Variants in CNNM1 observed in about 807,000 individuals in gnomAD.
CNNM1 encodes metal transporter CNNM1.
In CNNM1, 44 loss-of-function variants were observed where a neutral mutation model predicts 78.8. The observed-to-expected ratio is 0.56, with a 90% CI of 0.44 to 0.72. The LOEUF is 0.72. Among genes scored for constraint, CNNM1 ranks in the 30% least tolerant of loss-of-function variants. The probability of loss-of-function intolerance (pLI) is 0.00; values close to 1 mark genes in which losing one functional copy is unlikely to be tolerated. For synonymous variants in CNNM1, 584 were observed against 581.5 expected, an observed-to-expected ratio of 1.00 and a Z score of -0.06; for missense variants, 1,101 against 1,292.2, an observed-to-expected ratio of 0.85 and a Z score of 2.27.
chr10:99,362,491 C>G, intron 4 of CNNM1, 95 bp downstream of exon 4: 4 of 1,338,332 alleles, frequency 3.0e-6, no homozygotes, highest in Non-Finnish European at 4.1e-6. Context: ...AGTTCCAAGA[C>G]TTGGCTGGCT....
chr10:99,356,609 G>GA (rs547563994), intron 1 of CNNM1, among the ~76,000 whole-genome samples: 6,606 of 131,954 alleles, frequency 0.05, 450 homozygotes, highest in African/African-American at 0.16. Flanking sequence ...AGAAAGAAAA[G>GA]AAAGAAAGAA....
At chr10:99,338,723 A>G (rs564851493) in intron 1 of CNNM1, among the ~76,000 whole-genome samples, 3 of 152,176 alleles carry the variant, frequency 2.0e-5, no homozygotes, top group Non-Finnish European at 2.9e-5. Flanking sequence ...GTAACTCAAT[A>G]TTTTGTCATA....
intron 8 of CNNM1, 56 bp from the exon 9 acceptor site, chr10:99,388,096 C>G: frequency 6.2e-7 from 1 of 1,605,710 alleles, no homozygotes; most frequent in Non-Finnish European, 8.5e-7. Context: ...CTCACACCAC[C>G]TGAGCCCTGG....
intron 1 of CNNM1, among the ~76,000 whole-genome samples, chr10:99,331,248 G>C (rs2029897325): frequency 6.6e-6 from 1 of 152,306 alleles, no homozygotes; most frequent in Admixed American, 6.5e-5. Flanking sequence ...CCAAATGTCA[G>C]ATACTGTGTA....
In CNNM1 at chr10:99,330,161, G is replaced by A. The variant is rs1469657572; in HGVS notation, c.774G>A (p.Arg258=). The part of the protein sequence containing the change: ...SLDPVELRVL[R]NSGSAAEQEQ... ...ACCCGGTGGAGTTACGGGTGCTGCG[G>A]AACAGCGGCTCGGCCGCCGAGCAGG... The change falls in exon 1 of 11, where the codon CGG becomes CGA. Residue 258 remains arginine, a synonymous_variant. Transcript: ENST00000356713. The A allele has an allele frequency of 1.3e-6, 2 of 1,533,928 alleles. No homozygotes were observed. The highest frequency in any genetic ancestry group is 1.7e-6 in the Non-Finnish European group (2 of 1,146,034).
intron 6 of CNNM1, among the ~76,000 whole-genome samples, chr10:99,369,766 C>A (rs1057164430): frequency 6.6e-6 from 1 of 152,108 alleles, no homozygotes; most frequent in Non-Finnish European, 1.5e-5. Flanking sequence ...AGAGCTCATG[C>A]CTTCATAATG....
intron 1 of CNNM1, among the ~76,000 whole-genome samples, chr10:99,344,090 T>C (rs2030576498): frequency 1.4e-5 from 2 of 147,852 alleles, no homozygotes; most frequent in African/African-American, 4.9e-5. Context: ...CCCAGCACTT[T>C]GGGAGGCCAA....
chr10:99,360,262 C>T (rs1481475778), intron 2 of CNNM1, among the ~76,000 whole-genome samples: 2 of 152,166 alleles, frequency 1.3e-5, no homozygotes, highest in Non-Finnish European at 2.9e-5. Flanking sequence ...TGGCATGCTT[C>T]AGGTACCACT....
intron 2 of CNNM1, 32 bp from the exon 3 acceptor site, chr10:99,360,803 A>G: frequency 6.4e-7 from 1 of 1,552,690 alleles, no homozygotes; most frequent in Non-Finnish European, 8.7e-7. Context: ...TGATTCTGAG[A>G]TAGCTGTAAT....
intron 6 of CNNM1, among the ~76,000 whole-genome samples, chr10:99,376,196 C>T (rs1241568135): frequency 6.6e-6 from 1 of 152,160 alleles, no homozygotes; most frequent in African/African-American, 2.4e-5. Flanking sequence ...TGAGCCAGAG[C>T]CTGTGTCCTC....
At chr10:99,337,183 A>G (rs1035160559) in intron 1 of CNNM1, among the ~76,000 whole-genome samples, 4 of 152,204 alleles carry the variant, frequency 2.6e-5, no homozygotes, top group African/African-American at 9.6e-5. Context: ...ATTTATGCAA[A>G]TGCCTCCTAA....
At position 99,330,275 on chromosome 10, in the gene CNNM1, C is replaced by CCTGG; in HGVS notation, c.900_903dup (p.Tyr302AlafsTer109). On this transcript the variant is annotated frameshift_variant, in exon 1 of 11. Coordinates refer to ENST00000356713, the MANE Select transcript of CNNM1 (RefSeq NM_020348.3). LOFTEE classifies it high-confidence loss of function. ...TGGGCCAAGCCGGAGCCAACGCGGC[C>CCTGG]CTGGCTGGCTGGCTGTACACCTCGC... 1.3e-6 allele frequency: 2 copies of CCTGG among 1,568,016 alleles called. No individual in the cohort carries two copies. Among genetic ancestry groups the CCTGG allele is most frequent in the Non-Finnish European group, 1.7e-6 (2 of 1,157,132 alleles).
intron 7 of CNNM1, among the ~76,000 whole-genome samples, chr10:99,380,279 A>G (rs150224746): frequency 0.033 from 5,017 of 152,276 alleles, 132 homozygotes; most frequent in East Asian, 0.083. Context: ...CATTCAGTCC[A>G]TAACCATTCA....
Position 99,388,285 on chromosome 10 carries a change from C to A in CNNM1, c.2658C>A (p.Ala886=), listed in dbSNP as rs141951948. The change falls in exon 9 of 11, where the codon GCC becomes GCA. Residue 886 remains alanine, a synonymous_variant. Transcript: ENST00000356713. ...AGCAGCTCACGCTGTCTCCTGCAGCCGTTCCCACGAGAGCAGGTCAGGGAG... is the reference window on the plus strand; with the variant it reads ...AGCAGCTCACGCTGTCTCCTGCAGCAGTTCCCACGAGAGCAGGTCAGGGAG... ...STQQLTLSPA[A]VPTRAASDSE... 3.1e-6 allele frequency: 5 copies of A among 1,613,644 alleles called. No homozygotes were observed. Among genetic ancestry groups the A allele is most frequent in the Non-Finnish European group, 4.2e-6 (5 of 1,179,806 alleles).
At chr10:99,376,990 T>TG in intron 6 of CNNM1, 65 bp from the exon 7 acceptor site, 3 of 866,126 alleles carry the variant, frequency 3.5e-6, no homozygotes, top group Non-Finnish European at 1.8e-6. Context: ...CCTGTCTCCC[T>TG]CCCTCCCCCT....
chr10:99,358,577 G>T (rs1231767195), intron 2 of CNNM1, among the ~76,000 whole-genome samples: 1 of 152,194 alleles, frequency 6.6e-6, no homozygotes, highest in Non-Finnish European at 1.5e-5. Context: ...AGTGAGCAGT[G>T]CAGAAAGAGT....
At chr10:99,369,172 T>C (rs1221286485) in intron 6 of CNNM1, among the ~76,000 whole-genome samples, 1 of 152,238 alleles carries the variant, frequency 6.6e-6, no homozygotes, top group Non-Finnish European at 1.5e-5. Context: ...TTTCATTAGG[T>C]TTAACCTCTT....
In CNNM1 at chr10:99,392,871, T is replaced by TC. The variant is rs919694009; in HGVS notation, c.*1356dup. On this transcript the variant is annotated 3_prime_UTR_variant, in exon 11 of 11. Coordinates refer to ENST00000356713, the MANE Select transcript of CNNM1 (RefSeq NM_020348.3). ...TACTCGGGAGGCTGAGGCAGGAGAA[T>TC]CGCTTGAACCTGGGAGGCAGAGGTT... The TC allele has an allele frequency of 6.6e-6, 1 of 151,956 alleles. No homozygotes were observed. Among genetic ancestry groups the TC allele is most frequent in the African/African-American group, 2.4e-5 (1 of 41,004 alleles). The allele number at this position is 151,956 out of a possible 1,614,324, so 9.4% of individuals were successfully genotyped here.
chr10:99,341,485 C>T (rs1444662428), intron 1 of CNNM1, among the ~76,000 whole-genome samples: 1 of 152,104 alleles, frequency 6.6e-6, no homozygotes, highest in Non-Finnish European at 1.5e-5. Flanking sequence ...AAGAGGCAGC[C>T]TGGGGTACAG....
Sources: allele counts gnomAD v4.1 joint callset (sites outside exome capture counted in the v4.1 genomes callset), GRCh38; gene constraint gnomAD v4.1.1; transcripts MANE v1.5; gene names NCBI Gene and HGNC (gene_info 2026-07-23, HGNC 2026-07-21).